The following JAZF1 variants were observed in gnomAD, a reference collection of about 807,000 sequenced individuals.
JAZF1 encodes juxtaposed with another zinc finger protein 1.
In JAZF1, 8 loss-of-function variants were observed where a neutral mutation model predicts 26.4. The observed-to-expected ratio is 0.30, with a 90% confidence interval of 0.18 to 0.55. The LOEUF (loss-of-function observed/expected upper bound fraction) is 0.55, where lower values mean the gene tolerates loss of function less well. Among genes scored for constraint, JAZF1 ranks in the 20% least tolerant of loss-of-function variants. The pLI is 0.94. For missense variants in JAZF1, 199 were observed against 322.0 expected (o/e 0.62, Z 2.92); for synonymous variants, 126 against 122.3 (o/e 1.03, Z -0.20).
chr7:27,994,152 A>C (rs28588074), intron 1 of JAZF1, among the ~76,000 whole-genome samples: 11,484 of 152,176 alleles, frequency 0.075, 1,505 homozygotes, highest in African/African-American at 0.26. Flanking sequence ...AAGCTCTAGA[A>C]TCTCTTTGGG....
intron 2 of JAZF1, among the ~76,000 whole-genome samples, chr7:27,908,662 T>A (rs911528968): frequency 1.3e-5 from 2 of 152,090 alleles, no homozygotes; most frequent in Non-Finnish European, 2.9e-5. Context: ...CAGCAACCAA[T>A]CAGAAGGGGC....
At chr7:28,151,553 C>T (rs1433385385) in intron 1 of JAZF1, among the ~76,000 whole-genome samples, 1 of 151,810 alleles carries the variant, frequency 6.6e-6, no homozygotes, top group African/African-American at 2.4e-5. Context: ...GTAATCCCAG[C>T]ACTTTGGGAG....
At chr7:27,987,095 A>G (rs1172945217) in intron 2 of JAZF1, among the ~76,000 whole-genome samples, 2 of 151,862 alleles carry the variant, frequency 1.3e-5, no homozygotes, top group Non-Finnish European at 2.9e-5. Flanking sequence ...GGAAGTGAGG[A>G]GCGTCTCTGC....
chr7:27,867,374 G>A lies in JAZF1; in HGVS notation c.386-26507C>T, dbSNP rs934960221. Among the ~76,000 whole-genome samples, 4 of 152,262 alleles carry A rather than the reference G, an allele frequency of 2.6e-5. No homozygotes were observed. In the East Asian group the frequency reaches 5.8e-4, roughly 22 times the overall value. ...AGCTGCTTCTCTTGAGAATAATGTC[G>A]TGAGAGTCACTGAAAGTTCACGCAA... is the stretch of plus-strand genomic sequence containing the variant. On this transcript the variant is annotated intron_variant, in intron 3 of 4. Coordinates refer to ENST00000283928, the MANE Select transcript of JAZF1 (RefSeq NM_175061.4).
At chr7:27,943,638 T>C (rs1299426324) in intron 2 of JAZF1, among the ~76,000 whole-genome samples, 3 of 152,170 alleles carry the variant, frequency 2.0e-5, no homozygotes, top group African/African-American at 7.2e-5. Flanking sequence ...TCATAAACAC[T>C]GTGTGGGCTA....
intron 3 of JAZF1, among the ~76,000 whole-genome samples, chr7:27,884,350 A>T (rs938003461): frequency 1.3e-5 from 2 of 152,218 alleles, no homozygotes; most frequent in African/African-American, 2.4e-5. Flanking sequence ...GGTTGGTCTC[A>T]AACTCCTGGG....
chr7:27,843,030 A>G (rs1422631861), intron 3 of JAZF1: 5 of 152,330 alleles, frequency 3.3e-5, no homozygotes, highest in Non-Finnish European at 7.3e-5. Flanking sequence ...CTCAGGGGGA[A>G]GGCACGTGGT....
At chr7:27,878,239 T>A (rs1025954587) in intron 3 of JAZF1, among the ~76,000 whole-genome samples, 1 of 152,202 alleles carries the variant, frequency 6.6e-6, no homozygotes, top group African/African-American at 2.4e-5. Context: ...TGTGGTACTG[T>A]TTTATGCAAT....
In JAZF1 at chr7:27,832,535, G is replaced by A. The variant is rs1437285836; in HGVS notation, c.*265C>T. On this transcript the variant is annotated 3_prime_UTR_variant, in exon 5 of 5. Coordinates refer to ENST00000283928, the MANE Select transcript of JAZF1 (RefSeq NM_175061.4). ...CCCTCAATTTTATTTTGTTTTGGGG[G>A]AAATGTGCTGAAGAACCTAGAGCTT... 7.1e-6 allele frequency: 2 copies of A among 280,482 alleles called. No homozygotes were observed. The highest frequency in any genetic ancestry group is 1.3e-5 in the Non-Finnish European group (2 of 149,312). The allele number at this position is 280,482 out of a possible 1,614,324, so 17.4% of individuals were successfully genotyped here.
chr7:28,110,553 A>AGGAAAG, intron 1 of JAZF1, among the ~76,000 whole-genome samples: 1 of 56,120 alleles, frequency 1.8e-5, no homozygotes, highest in African/African-American at 4.9e-5. Context: ...GAAAAGGAAA[A>AGGAAAG]GGAAAGGGAA....
intron 3 of JAZF1, chr7:27,846,404 C>CGTGTATATATACGTATAA: frequency 2.2e-6 from 1 of 452,130 alleles, no homozygotes; most frequent in Admixed American, 2.5e-5. Context: ...TATACGTATA[C>CGTGTATATATACGTATAA]ATGTATATAT....
chr7:27,846,668 C>A (rs1268091981), intron 3 of JAZF1: 2 of 361,548 alleles, frequency 5.5e-6, no homozygotes, highest in East Asian at 8.0e-5. Context: ...CTTTTAAGTG[C>A]TAGCTCATGG....
intron 1 of JAZF1, among the ~76,000 whole-genome samples, chr7:28,016,088 A>T (rs1782886318): frequency 6.6e-6 from 1 of 152,194 alleles, no homozygotes; most frequent in Admixed American, 6.5e-5. Context: ...AGTGAACTGC[A>T]TGCTGAAAGC....
intron 3 of JAZF1, among the ~76,000 whole-genome samples, chr7:27,850,972 C>T (rs558224152): frequency 2.0e-4 from 31 of 151,990 alleles, no homozygotes; most frequent in African/African-American, 7.5e-4. Flanking sequence ...GATGGAGTTT[C>T]ACTCTTGTTG....
At position 27,871,930 on chromosome 7, in the gene JAZF1, G is replaced by A. The variant is rs1783590071; in HGVS notation, c.385+23290C>T. ...GGAGAAAGTGGTGGTACTATCTGTG[G>A]CATGTGCTCCGTTCAGCGGGGCTCA... is the stretch of plus-strand genomic sequence containing the variant. On this transcript the variant is annotated intron_variant, in intron 3 of 4. Coordinates refer to ENST00000283928, the MANE Select transcript of JAZF1 (RefSeq NM_175061.4). Among the ~76,000 whole-genome samples, 3 of 152,192 alleles carry A rather than the reference G, an allele frequency of 2.0e-5. 1 individual carries two copies. In the South Asian group the frequency reaches 6.2e-4, roughly 31 times the overall value.
intron 2 of JAZF1, among the ~76,000 whole-genome samples, chr7:27,912,327 A>T (rs902466475): frequency 2.0e-5 from 3 of 152,202 alleles, no homozygotes; most frequent in African/African-American, 7.2e-5. Flanking sequence ...ACACCTAGAG[A>T]AAAAGTCGAC....
chr7:27,849,701 G>A (rs1290253535), intron 3 of JAZF1, among the ~76,000 whole-genome samples: 1 of 143,014 alleles, frequency 7.0e-6, no homozygotes, highest in Non-Finnish European at 1.5e-5. Flanking sequence ...TGGCAAAGGA[G>A]GTAAAAATCA....
rs1782672033 is a variant in JAZF1, at chr7:27,830,815, C to CTGTT, written c.*1981_*1984dup. Reference sequence around the variant, plus strand: ...TATAACAAAATATTCCCATCCTTACCTGTTTAGTAATACTGTCACAATGAA... The same window carrying CTGTT: ...TATAACAAAATATTCCCATCCTTACCTGTTTGTTTAGTAATACTGTCACAATGAA... On this transcript the variant is annotated 3_prime_UTR_variant, in exon 5 of 5. Transcript: ENST00000283928. The CTGTT allele has an allele frequency of 4.9e-6, 1 of 206,136 alleles. No homozygotes were observed. Among genetic ancestry groups the CTGTT allele is most frequent in the East Asian group, 7.5e-5 (1 of 13,416 alleles). 12.8% of individuals were successfully genotyped at this position (206,136 alleles called of 1,614,324 possible).
chr7:27,931,451 A>G (rs954822172), intron 2 of JAZF1, among the ~76,000 whole-genome samples: 1 of 152,242 alleles, frequency 6.6e-6, no homozygotes, highest in African/African-American at 2.4e-5. Flanking sequence ...CATTACAAGA[A>G]TAAACTCTGC....
Sources: allele counts gnomAD v4.1 joint callset (sites outside exome capture counted in the v4.1 genomes callset), GRCh38; gene constraint gnomAD v4.1.1; transcripts MANE v1.5; gene names NCBI Gene and HGNC (gene_info 2026-07-23, HGNC 2026-07-21).